OR1F1: variants seen among roughly 807,000 people sequenced by gnomAD.
The protein encoded by OR1F1 is olfactory receptor 1F1.
For synonymous variants in OR1F1, 184 were observed against 156.7 expected (o/e 1.17, Z -1.30); for missense variants, 493 against 376.3 (o/e 1.31, Z -2.57).
chr16:3,194,037 T>C, the OR1F1 span, among the ~76,000 whole-genome samples: 1 of 152,052 alleles, frequency 6.6e-6, no homozygotes, highest in African/African-American at 2.4e-5. Flanking sequence ...TCACGCCTTT[T>C]AAAAAGGACA....
the OR1F1 span, among the ~76,000 whole-genome samples, chr16:3,190,118 A>G: frequency 6.6e-6 from 1 of 152,182 alleles, no homozygotes; most frequent in South Asian, 2.1e-4. Context: ...TCGCAGTCTT[A>G]ATGAGAGAGT....
chr16:3,206,472 AGTCCT>A (rs1163586465), downstream of OR1F1, among the ~76,000 whole-genome samples: 2 of 152,028 alleles, frequency 1.3e-5, no homozygotes, highest in African/African-American at 4.8e-5. Flanking sequence ...CCCCTTTTAA[AGTCCT>A]TAATAAAAAC....
the OR1F1 span, among the ~76,000 whole-genome samples, chr16:3,191,495 AGGGAAGCCC>A: frequency 1.3e-5 from 2 of 152,152 alleles, no homozygotes; most frequent in Non-Finnish European, 2.9e-5. Context: ...AAACGTTCCC[AGGGAAGCCC>A]GGCTAGCTCA....
At chr16:3,196,224 C>T in the OR1F1 span, among the ~76,000 whole-genome samples, 2 of 152,192 alleles carry the variant, frequency 1.3e-5, no homozygotes, top group East Asian at 1.9e-4. Flanking sequence ...CTGTGTTGAG[C>T]ACATGTTTCC....
chr16:3,204,633 C>T, exon 1 of OR1F1: 2 of 1,614,170 alleles, frequency 1.2e-6, no homozygotes, highest in Non-Finnish European at 8.5e-7. Flanking sequence ...TGTGCCACCC[C>T]TTACATTACA....
the OR1F1 span, chr16:3,191,442 A>C: frequency 6.6e-6 from 1 of 152,084 alleles, no homozygotes; most frequent in Middle Eastern, 3.4e-3. Context: ...TACGTCACTT[A>C]GTTTCTACTA....
At chr16:3,190,012 A>T in the OR1F1 span, among the ~76,000 whole-genome samples, 8 of 152,128 alleles carry the variant, frequency 5.3e-5, no homozygotes, top group Non-Finnish European at 7.3e-5. Flanking sequence ...CGAAGAAGAG[A>T]CAAGTCCCTA....
upstream of OR1F1, among the ~76,000 whole-genome samples, chr16:3,202,932 G>C (rs1253329803): frequency 6.6e-6 from 1 of 152,126 alleles, no homozygotes; most frequent in Non-Finnish European, 1.5e-5. Context: ...TCTGGAAATT[G>C]AGTGCTGGTC....
exon 1 of OR1F1, chr16:3,204,303 G>T: frequency 6.2e-7 from 1 of 1,613,942 alleles, no homozygotes; most frequent in Non-Finnish European, 8.5e-7. Context: ...GACTCTCCAG[G>T]CAGCCCCAGC....
chr16:3,201,973 A>T (rs1200256137), upstream of OR1F1, among the ~76,000 whole-genome samples: 1 of 152,182 alleles, frequency 6.6e-6, no homozygotes, highest in Non-Finnish European at 1.5e-5. Context: ...CACACTGCCT[A>T]TGGGGGAGCC....
the OR1F1 span, among the ~76,000 whole-genome samples, chr16:3,195,622 C>A: frequency 7.1e-6 from 1 of 141,626 alleles, no homozygotes; most frequent in African/African-American, 2.7e-5. Flanking sequence ...TTGGAGGTTG[C>A]AGTGAGCAGA....
At chr16:3,196,320 G>T in the OR1F1 span, among the ~76,000 whole-genome samples, 32 of 152,320 alleles carry the variant, frequency 2.1e-4, 1 homozygote, top group Admixed American at 1.8e-3. Flanking sequence ...TTGGATGAAG[G>T]TTAGTAACGT....
At chr16:3,194,648 G>GA in the OR1F1 span, among the ~76,000 whole-genome samples, 1 of 152,014 alleles carries the variant, frequency 6.6e-6, no homozygotes, top group Admixed American at 6.6e-5. Context: ...GAGGAGGGGA[G>GA]AAAAAAGATT....
the OR1F1 span, chr16:3,191,357 A>G: frequency 3.3e-5 from 5 of 152,246 alleles, no homozygotes; most frequent in Admixed American, 6.5e-5. Context: ...GTCTTGCACC[A>G]GCGGGGATGT....
chr16:3,199,180 G>A, the OR1F1 span, among the ~76,000 whole-genome samples: 1 of 141,296 alleles, frequency 7.1e-6, no homozygotes, highest in Non-Finnish European at 1.5e-5. Flanking sequence ...GCATGTGTCT[G>A]TAGTCCCAGC....
chr16:3,192,457 T>TG, the OR1F1 span, among the ~76,000 whole-genome samples: 1 of 152,226 alleles, frequency 6.6e-6, no homozygotes, highest in South Asian at 2.1e-4. Flanking sequence ...ATAAAGTTAC[T>TG]GGGGGAATTT....
the OR1F1 span, among the ~76,000 whole-genome samples, chr16:3,194,051 C>T: frequency 9.2e-5 from 14 of 152,050 alleles, no homozygotes; most frequent in African/African-American, 3.4e-4. Context: ...AAGGACAAAG[C>T]ATGGAGACAC....
chr16:3,200,137 C>T (rs913292393), upstream of OR1F1, among the ~76,000 whole-genome samples: 2 of 151,928 alleles, frequency 1.3e-5, no homozygotes, highest in African/African-American at 2.4e-5. Flanking sequence ...AGGGAGACTC[C>T]CTTTATGGGA....
upstream of OR1F1, among the ~76,000 whole-genome samples, chr16:3,201,025 C>G (rs1958129775): frequency 6.6e-6 from 1 of 152,202 alleles, no homozygotes; most frequent in Admixed American, 6.5e-5. Context: ...CTTCCTGTCT[C>G]TATGGATTTG....
Sources: allele counts gnomAD v4.1 joint callset (sites outside exome capture counted in the v4.1 genomes callset), GRCh38; gene constraint gnomAD v4.1.1; transcripts MANE v1.5; gene names NCBI Gene and HGNC (gene_info 2026-07-23, HGNC 2026-07-21).